The following COL25A1 variants were observed in gnomAD, a reference collection of about 807,000 sequenced individuals.
COL25A1 encodes collagen alpha-1(XXV) chain.
A neutral mutation model predicts 128.4 loss-of-function variants in COL25A1; 103 were observed. The observed-to-expected ratio is 0.80, with a 90% CI of 0.68 to 0.94. The LOEUF is 0.94. Ranked by LOEUF, COL25A1 falls within the 40% of genes least tolerant of loss-of-function variation. The pLI is 0.00. For synonymous variants in COL25A1, 279 were observed against 277.2 expected (o/e 1.01, Z -0.06); for missense variants, 745 against 840.0 (o/e 0.89, Z 1.40).
chr4:109,138,459 G>A (rs893482383), intron 3 of COL25A1, among the ~76,000 whole-genome samples: 1 of 152,162 alleles, frequency 6.6e-6, no homozygotes, highest in African/African-American at 2.4e-5. Flanking sequence ...ATGTGCATGT[G>A]TCTTTATAGT....
chr4:108,837,954 T>A, intron 31 of COL25A1: 3 of 662,730 alleles, frequency 4.5e-6, no homozygotes, highest in Non-Finnish European at 8.0e-6. Context: ...AAAACAAAAC[T>A]GGGCTGAGCT....
intron 3 of COL25A1, among the ~76,000 whole-genome samples, chr4:109,138,434 C>T (rs999470816): frequency 1.3e-5 from 2 of 152,124 alleles, no homozygotes; most frequent in African/African-American, 2.4e-5. Context: ...GTGAATAGTG[C>T]CGCAATAAAC....
intron 3 of COL25A1, among the ~76,000 whole-genome samples, chr4:109,249,971 C>T (rs1050874836): frequency 1.3e-5 from 2 of 152,120 alleles, no homozygotes; most frequent in East Asian, 1.9e-4. Flanking sequence ...AAGGGCTACA[C>T]TGACTAAGTA....
chr4:108,895,474 A>G lies in COL25A1; in HGVS notation c.906+1193T>C, dbSNP rs1195830240. On this transcript the variant is annotated intron_variant, in intron 16 of 37. Transcript: ENST00000399132. ...CTTCCTCTGTCAGAGGTATCTATAAAGTATGAATCCAAGCAAAAGCTATCA... is the reference window on the plus strand; with the variant it reads ...CTTCCTCTGTCAGAGGTATCTATAAGGTATGAATCCAAGCAAAAGCTATCA... 1.3e-5 allele frequency among the ~76,000 whole-genome samples: 2 copies of G among 152,190 alleles called. 1 individual carries two copies. The highest frequency in any genetic ancestry group is 2.9e-5 in the Non-Finnish European group (2 of 68,028).
At position 109,084,677 on chromosome 4, in the gene COL25A1, T is replaced by C. The variant is rs1036860903; in HGVS notation, c.368-34498A>G. ...CCACACATCAGGTTTTTATGCCCTA[T>C]GTTTAAGCCCATATTCCATTGTATT... On this transcript the variant is annotated intron_variant, in intron 3 of 37. Coordinates refer to ENST00000399132, the MANE Select transcript of COL25A1 (RefSeq NM_198721.4). Among the ~76,000 whole-genome samples, 22 of 152,224 alleles carry C rather than the reference T, an allele frequency of 1.4e-4. No homozygotes were observed. The East Asian group carries it at 4.2e-3, about 29-fold the overall frequency.
chr4:109,133,879 T>G (rs960902898), intron 3 of COL25A1, among the ~76,000 whole-genome samples: 2 of 152,140 alleles, frequency 1.3e-5, no homozygotes, highest in East Asian at 1.9e-4. Flanking sequence ...TTAGGAGAGA[T>G]AGAAAAGAAC....
At chr4:109,237,602 G>A (rs1277770508) in intron 3 of COL25A1, among the ~76,000 whole-genome samples, 1 of 151,402 alleles carries the variant, frequency 6.6e-6, no homozygotes, top group Non-Finnish European at 1.5e-5. Context: ...TACTGGTAAA[G>A]GAATGGCTTG....
At chr4:109,287,439 G>A (rs17040260) in intron 3 of COL25A1, among the ~76,000 whole-genome samples, 14,112 of 152,212 alleles carry the variant, frequency 0.093, 765 homozygotes, top group East Asian at 0.23. Flanking sequence ...ACCTTTGCCA[G>A]AGTCGACTGG....
chr4:109,030,358 C>A (rs1346242875), intron 5 of COL25A1, among the ~76,000 whole-genome samples: 2 of 152,168 alleles, frequency 1.3e-5, no homozygotes, highest in Non-Finnish European at 2.9e-5. Context: ...ATTGGGCACA[C>A]TTTGGCTCAG....
chr4:109,072,149 C>A (rs1406487182), intron 3 of COL25A1, among the ~76,000 whole-genome samples: 1 of 152,140 alleles, frequency 6.6e-6, no homozygotes, highest in Non-Finnish European at 1.5e-5. Context: ...TGGAAATTGA[C>A]ATATACTGCC....
Position 109,108,076 on chromosome 4 carries a change from A to T in COL25A1, c.368-57897T>A, listed in dbSNP as rs1018592411. ...TTAAGTTTTAGGGTACATGTGCACA[A>T]CGTGCAGGTTTGTTACATATGTATA... On this transcript the variant is annotated intron_variant, in intron 3 of 37. Coordinates refer to ENST00000399132, the MANE Select transcript of COL25A1 (RefSeq NM_198721.4). Among the ~76,000 whole-genome samples, 10 of 152,172 alleles carry T rather than the reference A, an allele frequency of 6.6e-5. No homozygotes were observed. In the South Asian group the frequency reaches 1.7e-3, roughly 25 times the overall value.
chr4:109,023,702 A>G (rs1757969807), intron 5 of COL25A1, among the ~76,000 whole-genome samples: 2 of 152,222 alleles, frequency 1.3e-5, no homozygotes, highest in Non-Finnish European at 2.9e-5. Flanking sequence ...ACAGAAATGG[A>G]TGTCAATTAC....
intron 3 of COL25A1, among the ~76,000 whole-genome samples, chr4:109,092,921 C>G (rs905543738): frequency 9.9e-5 from 15 of 152,060 alleles, no homozygotes; most frequent in African/African-American, 3.6e-4. Flanking sequence ...GTAAAAATAA[C>G]CTATATTCAT....
intron 6 of COL25A1, among the ~76,000 whole-genome samples, chr4:108,998,692 A>T (rs1457603220): frequency 6.6e-6 from 1 of 152,108 alleles, no homozygotes; most frequent in African/African-American, 2.4e-5. Context: ...GCTGGAGGCA[A>T]CATGCTACCT....
Position 109,300,619 on chromosome 4 carries a change from C to A in COL25A1, c.331G>T (p.Ala111Ser), listed in dbSNP as rs200364870. The change falls in exon 3 of 38, where the codon GCA becomes TCA. Residue 111 changes from alanine (A) to serine (S), a missense_variant. By Grantham distance (99) the Ala-to-Ser change is moderately conservative (BLOSUM62 1). Coordinates refer to ENST00000399132, the MANE Select transcript of COL25A1 (RefSeq NM_198721.4). Reference protein sequence around the residue: ...SYEHMAKIRIAREAPSECNCP... With the variant: ...SYEHMAKIRISREAPSECNCP... ...TTACATTCTGAAGGTGCTTCTCTTG[C>A]GATTCTTATTTTAGCCATATGTTCA... 5 of 1,611,880 alleles carry A rather than the reference C, an allele frequency of 3.1e-6. No homozygotes were observed. The highest frequency in any genetic ancestry group is 1.3e-5 in the African/African-American group (1 of 74,864).
At chr4:109,021,931 C>T (rs1195713789) in intron 5 of COL25A1, 4 of 355,620 alleles carry the variant, frequency 1.1e-5, no homozygotes, top group Admixed American at 3.7e-5. Flanking sequence ...TCTCTGCTCT[C>T]GAACCCTGTT....
chr4:108,880,924 T>G (rs1740039263), intron 19 of COL25A1, among the ~76,000 whole-genome samples: 1 of 152,194 alleles, frequency 6.6e-6, no homozygotes, highest in Admixed American at 6.5e-5. Context: ...TTACAATAAT[T>G]TTACCCATTA....
intron 3 of COL25A1, among the ~76,000 whole-genome samples, chr4:109,227,852 G>A (rs1177463705): frequency 1.3e-5 from 2 of 152,152 alleles, no homozygotes; most frequent in Non-Finnish European, 2.9e-5. Context: ...TATGGTGGCT[G>A]AGAAGTCCCA....
At chr4:109,097,566 T>C (rs1295577596) in intron 3 of COL25A1, among the ~76,000 whole-genome samples, 2 of 151,486 alleles carry the variant, frequency 1.3e-5, no homozygotes, top group East Asian at 3.9e-4. Flanking sequence ...TGAGCCCAGA[T>C]GGCACCATAG....
Sources: gnomAD v4.1 joint callset for allele counts (sites outside exome capture counted in the v4.1 genomes callset) on GRCh38, gnomAD v4.1.1 for gene constraint, MANE v1.5 for transcripts, NCBI Gene and HGNC (gene_info 2026-07-23, HGNC 2026-07-21) for gene names.